MCC: variants seen among roughly 807,000 people sequenced by gnomAD.
The protein encoded by MCC is MCC regulator of Wnt signaling pathway.
MCC carries 90 observed loss-of-function variants against 116.2 expected under a neutral mutation model. The ratio of observed to expected loss-of-function variants is 0.77; its 90% CI spans 0.65 to 0.92. MCC has a LOEUF of 0.92. Ranked by LOEUF, MCC falls within the 40% of genes least tolerant of loss-of-function variation. The pLI is 0.00. For missense variants in MCC, 1,516 were observed against 1,312.2 expected (o/e 1.16, Z -2.40); for synonymous variants, 578 against 510.5 (o/e 1.13, Z -1.78).
At position 113,488,427 on chromosome 5, in the gene MCC, T is replaced by A; in HGVS notation, c.-13A>T. 1 of 1,402,896 alleles carries A rather than the reference T, an allele frequency of 7.1e-7. No individual in the cohort carries two copies. The highest frequency in any genetic ancestry group is 2.9e-5 in the East Asian group (1 of 33,974). The allele number at this position is 1,402,896 out of a possible 1,614,324, so 86.9% of individuals were successfully genotyped here. A position where few individuals can be genotyped will look rare whatever the true frequency, so the allele number is the denominator to read the frequency against. ...CGGCCGCCATCATGCGCCCGCTCCC[T>A]ACTTGGGAGGAGGAGTACGCGCGAC... On this transcript the variant is annotated 5_prime_UTR_variant, in exon 1 of 19. Transcript: ENST00000408903.
chr5:113,391,878 G>T (rs965953538), intron 1 of MCC, among the ~76,000 whole-genome samples: 8 of 152,132 alleles, frequency 5.3e-5, no homozygotes, highest in African/African-American at 1.9e-4. Flanking sequence ...GGGTAGGAGG[G>T]TTGTGTTTTG....
intron 5 of MCC, among the ~76,000 whole-genome samples, chr5:113,136,273 T>C (rs1465974063): frequency 6.6e-6 from 1 of 152,172 alleles, no homozygotes; most frequent in Non-Finnish European, 1.5e-5. Context: ...TTTAATGAAG[T>C]AATCAACAAT....
At chr5:113,276,081 T>C (rs1183072247) in intron 3 of MCC, among the ~76,000 whole-genome samples, 58 of 151,866 alleles carry the variant, frequency 3.8e-4, no homozygotes, top group Admixed American at 3.8e-3. Flanking sequence ...GTGGCCACAT[T>C]GATTCTGGCC....
intron 8 of MCC, among the ~76,000 whole-genome samples, chr5:113,099,768 G>A (rs979263866): frequency 2.6e-5 from 4 of 152,172 alleles, no homozygotes; most frequent in Non-Finnish European, 5.9e-5. Flanking sequence ...ACTGGAAAGT[G>A]GGGAAGGGGA....
intron 1 of MCC, among the ~76,000 whole-genome samples, chr5:113,405,870 T>A (rs533693251): frequency 1.3e-5 from 2 of 152,182 alleles, no homozygotes; most frequent in Admixed American, 1.3e-4. Flanking sequence ...ATTAATATTA[T>A]TTCAAGTATT....
chr5:113,189,154 G>A (rs1561441242), intron 3 of MCC, among the ~76,000 whole-genome samples: 1 of 152,134 alleles, frequency 6.6e-6, no homozygotes, highest in Non-Finnish European at 1.5e-5. Flanking sequence ...ATAATCCAAT[G>A]GGTGCACTGA....
chr5:113,259,473 C>T (rs564947249), intron 3 of MCC, among the ~76,000 whole-genome samples: 26 of 152,118 alleles, frequency 1.7e-4, no homozygotes, highest in South Asian at 6.2e-4. Flanking sequence ...TCTACCACAC[C>T]CCTAAGTCAT....
intron 3 of MCC, among the ~76,000 whole-genome samples, chr5:113,307,955 C>A (rs112330256): frequency 6.8e-6 from 1 of 146,784 alleles, no homozygotes; most frequent in African/African-American, 2.4e-5. Flanking sequence ...AGTGTCAGCT[C>A]CATTTGCCTG....
chr5:113,162,523 G>A (rs998624562), intron 3 of MCC, among the ~76,000 whole-genome samples: 4 of 151,868 alleles, frequency 2.6e-5, no homozygotes, highest in African/African-American at 9.7e-5. Flanking sequence ...CTGAGACATG[G>A]TCTCACTCTG....
At position 113,434,072 on chromosome 5, in the gene MCC, G is replaced by T. The variant is rs752300335; in HGVS notation, c.171-48860C>A. ...CGTCGATGTGGAGCCGCCGGTTGAC[G>T]TCGGGCTGCAGCATGTGGTAGATGA... is the stretch of plus-strand genomic sequence containing the variant. On this transcript the variant is annotated intron_variant, in intron 1 of 18. Transcript: ENST00000408903. This position sits in a 1 kb window ranked among gnomAD's most constrained non-coding sequence, Gnocchi z 4.2. 1.2e-6 allele frequency: 2 copies of T among 1,614,166 alleles called. No individual in the cohort carries two copies. The highest frequency in any genetic ancestry group is 1.7e-5 in the Admixed American group (1 of 60,036).
At chr5:113,402,838 A>C (rs778733896) in intron 1 of MCC, among the ~76,000 whole-genome samples, 11 of 152,136 alleles carry the variant, frequency 7.2e-5, no homozygotes, top group Non-Finnish European at 1.5e-4. Context: ...GATATCGTCC[A>C]GGCTGGAGGG....
intron 3 of MCC, among the ~76,000 whole-genome samples, chr5:113,181,282 A>G (rs1761614037): frequency 6.6e-6 from 1 of 152,218 alleles, no homozygotes; most frequent in African/African-American, 2.4e-5. Flanking sequence ...GACCACCACT[A>G]TCGGTCAGAA....
At chr5:113,233,957 G>C (rs914915397) in intron 3 of MCC, among the ~76,000 whole-genome samples, 31 of 152,188 alleles carry the variant, frequency 2.0e-4, no homozygotes, top group African/African-American at 7.2e-4. Flanking sequence ...GGGAGATACA[G>C]TGTATATGCA....
chr5:113,374,540 G>A (rs558914058), intron 2 of MCC, among the ~76,000 whole-genome samples: 31 of 152,220 alleles, frequency 2.0e-4, no homozygotes, highest in African/African-American at 7.2e-4. Context: ...ACCGACTTAC[G>A]CCCGAGCCAG....
intron 11 of MCC, among the ~76,000 whole-genome samples, chr5:113,079,361 G>GCAAAATC (rs1754684802): frequency 6.6e-6 from 1 of 152,166 alleles, no homozygotes; most frequent in Non-Finnish European, 1.5e-5. Flanking sequence ...ACAATCCTAA[G>GCAAAATC]CCAAAAGAAC....
At chr5:113,077,309 A>G (rs2150238747) in intron 11 of MCC, among the ~76,000 whole-genome samples, 1 of 152,312 alleles carries the variant, frequency 6.6e-6, no homozygotes, top group East Asian at 1.9e-4. Context: ...AGCAGACCAA[A>G]CAGGCATCTA....
chr5:113,405,194 T>G (rs1199938290), intron 1 of MCC, among the ~76,000 whole-genome samples: 1 of 152,228 alleles, frequency 6.6e-6, no homozygotes, highest in Admixed American at 6.5e-5. Flanking sequence ...GAAAACCAAA[T>G]GCCTCCTTAC....
intron 8 of MCC, among the ~76,000 whole-genome samples, chr5:113,092,851 A>T (rs2150249024): frequency 6.6e-6 from 1 of 152,334 alleles, no homozygotes; most frequent in East Asian, 1.9e-4. Context: ...TCACTCCTGG[A>T]CATGTGATCC....
intron 3 of MCC, among the ~76,000 whole-genome samples, chr5:113,261,150 C>T (rs774703567): frequency 7.2e-5 from 11 of 152,168 alleles, no homozygotes; most frequent in Non-Finnish European, 1.2e-4. Flanking sequence ...ACTTGCTAAA[C>T]GTAATAGCTT....
Sources: allele counts gnomAD v4.1 joint callset (sites outside exome capture counted in the v4.1 genomes callset), GRCh38; gene constraint gnomAD v4.1.1; non-coding constraint Gnocchi (gnomAD v3.1); transcripts MANE v1.5; gene names NCBI Gene and HGNC (gene_info 2026-07-23, HGNC 2026-07-21).